Variants in IL21R observed in about 807,000 individuals in gnomAD.
IL21R encodes interleukin-21 receptor.
A neutral mutation model predicts 41.3 loss-of-function variants in IL21R; 14 were observed. That is an observed-to-expected ratio of 0.34 (90% CI 0.22 to 0.53). The LOEUF is 0.53. Ranked by LOEUF, IL21R falls within the 20% of genes least tolerant of loss-of-function variation. The pLI is 0.94. For missense variants in IL21R, 588 were observed against 681.6 expected (o/e 0.86, Z 1.53); for synonymous variants, 286 against 287.6 (o/e 0.99, Z 0.05).
chr16:27,435,068 G>C (rs1435916006), intron 3 of IL21R, among the ~76,000 whole-genome samples: 1 of 152,104 alleles, frequency 6.6e-6, no homozygotes, highest in Non-Finnish European at 1.5e-5. Flanking sequence ...TTTGAGACCA[G>C]CCTGGGCAAC....
In IL21R at chr16:27,448,976, G is replaced by A. The variant is rs1365958072; in HGVS notation, c.1310G>A (p.Gly437Glu). 1.2e-6 allele frequency: 2 copies of A among 1,613,028 alleles called. No individual in the cohort carries two copies. The highest frequency in any genetic ancestry group is 2.2e-5 in the South Asian group (2 of 91,070). The change falls in exon 9 of 9, where the codon GGG becomes GAG. Residue 437 changes from glycine to glutamate, a missense_variant. Gly to Glu is a moderately conservative substitution (Grantham distance 98). Coordinates refer to ENST00000337929, the MANE Select transcript of IL21R (RefSeq NM_181078.3). The stretch of plus-strand genomic sequence containing the variant: ...GGCTGTGTCTCAGCTGGCAGCCCTG[G>A]GCTAGGAGGGCCCCTGGGAAGCCTC... The part of the protein sequence containing the change: ...SCGCVSAGSP[G>E]LGGPLGSLLD...
At chr16:27,431,246 T>C (rs1269582617) in intron 2 of IL21R, among the ~76,000 whole-genome samples, 1 of 152,206 alleles carries the variant, frequency 6.6e-6, no homozygotes, top group East Asian at 1.9e-4. Context: ...CCTTTCTGAG[T>C]GGCAAGCATC....
Position 27,434,460 on chromosome 16 carries a change from G to A in IL21R, c.152+11G>A, listed in dbSNP as rs769726854. The A allele has an allele frequency of 3.6e-5, 56 of 1,573,152 alleles. No homozygotes were observed. The South Asian group carries it at 4.8e-4, about 13-fold the overall frequency. The stretch of plus-strand genomic sequence containing the variant: ...GCTCACCCTTACCTGGTAAGTAGCC[G>A]GGCCTCACCAGTCCCCGGGGATGCA... On this transcript the variant is annotated intron_variant, in intron 3 of 8. Coordinates refer to ENST00000337929, the MANE Select transcript of IL21R (RefSeq NM_181078.3).
At chr16:27,438,869 CAAACA>C (rs1268287023) in intron 4 of IL21R, among the ~76,000 whole-genome samples, 2 of 152,124 alleles carry the variant, frequency 1.3e-5, no homozygotes, top group Non-Finnish European at 2.9e-5. Context: ...GACTCCGTCT[CAAACA>C]AAACAAAACA....
At position 27,437,587 on chromosome 16, in the gene IL21R, T is replaced by C. The variant is rs1183434798; in HGVS notation, c.252T>C (p.Asp84=). Residue 84 remains aspartate (D), a synonymous_variant, in exon 4 of 9, where the codon GAT becomes GAC. Transcript: ENST00000337929. ...ATGCCACCTACACCTGCCACATGGA[T>C]GTATTCCACTTCATGGCCGACGACA... ...ATHATYTCHM[D]VFHFMADDIF... 6.8e-6 allele frequency: 11 copies of C among 1,614,130 alleles called. No homozygotes were observed. The highest frequency in any genetic ancestry group is 9.3e-6 in the Non-Finnish European group (11 of 1,180,040).
chr16:27,405,771 A>G (rs950626649), intron 1 of IL21R, among the ~76,000 whole-genome samples: 1 of 151,654 alleles, frequency 6.6e-6, no homozygotes, highest in East Asian at 1.9e-4. Flanking sequence ...TTTTCATGAC[A>G]GCTCAAATGA....
chr16:27,440,248 T>TATATATATATAGAGAGAGAGAGAGAGAG (rs1352160946), intron 4 of IL21R, among the ~76,000 whole-genome samples: 1 of 64,042 alleles, frequency 1.6e-5, no homozygotes, highest in African/African-American at 8.8e-5. Context: ...TATATATATA[T>TATATATATATAGAGAGAGAGAGAGAGAG]AGAGAGAGAG....
intron 5 of IL21R, 98 bp from the exon 6 acceptor site, chr16:27,444,444 C>T (rs2087441784): frequency 2.6e-6 from 2 of 771,248 alleles, no homozygotes; most frequent in Non-Finnish European, 1.9e-6. Flanking sequence ...AGACACTCAG[C>T]CCCTTTGATG....
chr16:27,433,340 A>G (rs1444657491), intron 2 of IL21R, among the ~76,000 whole-genome samples: 1 of 152,104 alleles, frequency 6.6e-6, no homozygotes, highest in Non-Finnish European at 1.5e-5. Context: ...GTGGTGCACA[A>G]CTGTAGTCTC....
intron 4 of IL21R, among the ~76,000 whole-genome samples, chr16:27,442,144 G>T (rs1203640549): frequency 6.6e-6 from 1 of 152,190 alleles, no homozygotes; most frequent in Non-Finnish European, 1.5e-5. Context: ...GTGTGCGTGT[G>T]CATTTGTGTG....
chr16:27,439,817 C>T (rs772299093), intron 4 of IL21R, among the ~76,000 whole-genome samples: 34 of 152,274 alleles, frequency 2.2e-4, no homozygotes, highest in South Asian at 6.2e-4. Context: ...AACCACCTCC[C>T]GCCGAGGGTC....
intron 4 of IL21R, 140 bp from the exon 5 acceptor site, chr16:27,442,822 T>G: frequency 1.4e-6 from 1 of 696,136 alleles, no homozygotes; most frequent in Non-Finnish European, 2.4e-6. Context: ...TCACTCAGGG[T>G]TGTTGGTCTT....
chr16:27,433,328 T>C (rs962891131), intron 2 of IL21R, among the ~76,000 whole-genome samples: 4 of 152,042 alleles, frequency 2.6e-5, no homozygotes, highest in Non-Finnish European at 5.9e-5. Context: ...TATCCAGGCA[T>C]GGTGGTGCAC....
chr16:27,440,289 C>A (rs563105729), intron 4 of IL21R, among the ~76,000 whole-genome samples: 7,369 of 119,984 alleles, frequency 0.061, 372 homozygotes, highest in African/African-American at 0.1. Flanking sequence ...AGCGAGCAAG[C>A]GCGCGCCAGG....
intron 1 of IL21R, among the ~76,000 whole-genome samples, chr16:27,410,655 T>C (rs993680184): frequency 6.6e-6 from 1 of 152,204 alleles, no homozygotes; most frequent in Non-Finnish European, 1.5e-5. Context: ...CAAAGTATAG[T>C]GTCCCGGGTT....
intron 1 of IL21R, among the ~76,000 whole-genome samples, chr16:27,428,997 G>T (rs947382018): frequency 6.6e-6 from 1 of 152,194 alleles, no homozygotes; most frequent in African/African-American, 2.4e-5. Flanking sequence ...GCTGAGGTGG[G>T]TGGATCACCT....
chr16:27,443,265 C>T (rs1468529200), intron 5 of IL21R, 149 bp downstream of exon 5: 5 of 611,988 alleles, frequency 8.2e-6, no homozygotes, highest in Admixed American at 3.4e-5. Flanking sequence ...ACAGCGGGCC[C>T]TCCTCCTCCC....
At position 27,449,656 on chromosome 16, in the gene IL21R, C is replaced by T. The variant is rs1203953577; in HGVS notation, c.*373C>T. 3.5e-6 allele frequency: 1 copy of T among 285,368 alleles called. No homozygotes were observed. The highest frequency in any genetic ancestry group is 6.6e-6 in the Non-Finnish European group (1 of 150,900). The allele number at this position is 285,368 out of a possible 1,614,324, so 17.7% of individuals were successfully genotyped here. A position where few individuals can be genotyped will look rare whatever the true frequency, so the allele number is the denominator to read the frequency against. On this transcript the variant is annotated 3_prime_UTR_variant, in exon 9 of 9. Transcript: ENST00000337929. ...TTTGTGGTCAACAGATGACAACAGC[C>T]GTCCTCCCTCCTAGGGTCTTGTGTT...
chr16:27,446,010 A>G lies in IL21R; in HGVS notation c.789A>G (p.Leu263=), dbSNP rs1478304729. The stretch of plus-strand genomic sequence containing the variant: ...TCACCCCTCTCTGCCCCCTCAGGCT[A>G]TGGAAGAAGATATGGGCCGTCCCCA... ...WSLKTHPLWR[L]WKKIWAVPSP... The change falls in exon 8 of 9, where the codon CTA becomes CTG. Residue 263 remains leucine, a synonymous_variant. Transcript: ENST00000337929. The G allele has an allele frequency of 1.9e-6, 3 of 1,612,244 alleles. No homozygotes were observed. Among genetic ancestry groups the G allele is most frequent in the Non-Finnish European group, 2.5e-6 (3 of 1,179,056 alleles).
Sources: allele counts gnomAD v4.1 joint callset (sites outside exome capture counted in the v4.1 genomes callset), GRCh38; gene constraint gnomAD v4.1.1; transcripts MANE v1.5; gene names NCBI Gene and HGNC (gene_info 2026-07-23, HGNC 2026-07-21).